Variants in CHCHD3 observed in about 807,000 individuals in gnomAD.
The protein encoded by CHCHD3 is MICOS complex subunit MIC19.
CHCHD3 carries 20 observed loss-of-function variants against 38.2 expected under a neutral mutation model. The ratio of observed to expected loss-of-function variants is 0.52; its 90% CI spans 0.37 to 0.76. The LOEUF (loss-of-function observed/expected upper bound fraction) is 0.76, where lower values mean the gene tolerates loss of function less well. CHCHD3 is among the 30% of genes least tolerant of loss of function. The pLI is 0.00. For missense variants in CHCHD3, 245 were observed against 279.2 expected (o/e 0.88, Z 0.87); for synonymous variants, 82 against 100.0 (o/e 0.82, Z 1.07).
chr7:133,045,606 G>A (rs1813960507), intron 2 of CHCHD3, among the ~76,000 whole-genome samples: 1 of 152,134 alleles, frequency 6.6e-6, no homozygotes, highest in Non-Finnish European at 1.5e-5. Flanking sequence ...TAAACTTATA[G>A]GTTCTAACCA....
At chr7:133,033,762 C>T (rs1353406278) in intron 2 of CHCHD3, among the ~76,000 whole-genome samples, 4 of 152,180 alleles carry the variant, frequency 2.6e-5, no homozygotes, top group South Asian at 2.1e-4. Context: ...ACCAAAACCA[C>T]ATTTTGCCCG....
chr7:133,079,235 A>G (rs1438328009), intron 1 of CHCHD3, among the ~76,000 whole-genome samples: 1 of 152,228 alleles, frequency 6.6e-6, no homozygotes, highest in African/African-American at 2.4e-5. Context: ...CTCTAATAAC[A>G]GCTATTATTC....
At chr7:132,913,186 G>A (rs1027301916) in intron 4 of CHCHD3, among the ~76,000 whole-genome samples, 9 of 152,154 alleles carry the variant, frequency 5.9e-5, no homozygotes, top group Non-Finnish European at 1.2e-4. Flanking sequence ...CTGCTTCAAC[G>A]AAGCCAAAAA....
intron 5 of CHCHD3, among the ~76,000 whole-genome samples, chr7:132,876,415 G>C (rs1469784971): frequency 1.3e-5 from 2 of 152,118 alleles, no homozygotes; most frequent in African/African-American, 4.8e-5. Context: ...TTTAAAAGTG[G>C]AATTAATTTT....
intron 5 of CHCHD3, among the ~76,000 whole-genome samples, chr7:132,871,482 G>T (rs1263403786): frequency 6.6e-6 from 1 of 152,178 alleles, no homozygotes; most frequent in Admixed American, 6.5e-5. Context: ...GCTCGTTGTA[G>T]TTCTAGTTAC....
chr7:133,016,796 A>C (rs1813044179), intron 3 of CHCHD3, among the ~76,000 whole-genome samples: 1 of 152,188 alleles, frequency 6.6e-6, no homozygotes, highest in South Asian at 2.1e-4. Flanking sequence ...AGTGTTCCTA[A>C]CACAGCATTA....
At chr7:132,981,009 A>G (rs563119555) in intron 3 of CHCHD3, among the ~76,000 whole-genome samples, 76 of 152,082 alleles carry the variant, frequency 5.0e-4, no homozygotes, top group Non-Finnish European at 9.7e-4. Flanking sequence ...TTTTTGAAAC[A>G]TGGTCTTGCT....
intron 3 of CHCHD3, among the ~76,000 whole-genome samples, chr7:133,000,789 T>A (rs1453570508): frequency 6.6e-6 from 1 of 152,162 alleles, no homozygotes; most frequent in Non-Finnish European, 1.5e-5. Flanking sequence ...TAAAGAGATG[T>A]TATATTTGTC....
intron 5 of CHCHD3, among the ~76,000 whole-genome samples, chr7:132,855,583 A>G (rs1808326095): frequency 6.6e-6 from 1 of 152,170 alleles, no homozygotes; most frequent in South Asian, 2.1e-4. Flanking sequence ...GACTTGGCAG[A>G]GAAATATGCA....
intron 2 of CHCHD3, among the ~76,000 whole-genome samples, chr7:133,068,145 T>G (rs1157554382): frequency 6.6e-6 from 1 of 152,110 alleles, no homozygotes; most frequent in African/African-American, 2.4e-5. Flanking sequence ...ACGTGGCTTA[T>G]TTATTTACAT....
At position 132,838,339 on chromosome 7, in the gene CHCHD3, A is replaced by G; in HGVS notation, c.524+60T>C. 16 of 1,175,704 alleles carry G rather than the reference A, an allele frequency of 1.4e-5. No individual in the cohort carries two copies. In the South Asian group the frequency reaches 1.8e-4, roughly 13 times the overall value. The allele number at this position is 1,175,704 out of a possible 1,614,324, so 72.8% of individuals were successfully genotyped here. A position where few individuals can be genotyped will look rare whatever the true frequency, so the allele number is the denominator to read the frequency against. ...AACTATGATCTGTGCAAAAAGCACTAAAACTGTGCTTTCATCTTGTTAAGA... is the reference window on the plus strand; with the variant it reads ...AACTATGATCTGTGCAAAAAGCACTGAAACTGTGCTTTCATCTTGTTAAGA... On this transcript the variant is annotated intron_variant, in intron 6 of 7. Transcript: ENST00000262570.
At chr7:133,055,301 A>C (rs917845706) in intron 2 of CHCHD3, among the ~76,000 whole-genome samples, 1 of 146,452 alleles carries the variant, frequency 6.8e-6, no homozygotes, top group African/African-American at 2.5e-5. Flanking sequence ...TTTAATTAGA[A>C]TAATTAGTTG....
intron 4 of CHCHD3, among the ~76,000 whole-genome samples, chr7:132,898,209 G>A (rs901719039): frequency 1.3e-5 from 2 of 152,184 alleles, no homozygotes; most frequent in African/African-American, 4.8e-5. Context: ...AGCTTCCACA[G>A]TGTGGAAAGG....
At position 132,941,784 on chromosome 7, in the gene CHCHD3, TCAA is replaced by T. The variant is rs376415121; in HGVS notation, c.369+33382_369+33384del. On this transcript the variant is annotated intron_variant, in intron 4 of 7. Coordinates refer to ENST00000262570, the MANE Select transcript of CHCHD3 (RefSeq NM_017812.4). ...GAAAAGCACAGGACGGGATGGGAGA[TCAA>T]CAACAACAGCTCTTGGGTTCCCAAG... Among the ~76,000 whole-genome samples the T allele has an allele frequency of 8.9e-4, 136 of 152,218 alleles. 1 individual carries two copies. The highest frequency in any genetic ancestry group is 9.2e-4 in the Admixed American group (14 of 15,292).
In CHCHD3 at chr7:132,932,295, C is replaced by G. The variant is rs185839701; in HGVS notation, c.369+42874G>C. Among the ~76,000 whole-genome samples, 408 of 152,160 alleles carry G rather than the reference C, an allele frequency of 2.7e-3. 4 individuals carry two copies. The highest frequency in any genetic ancestry group is 9.4e-3 in the African/African-American group (389 of 41,520). On this transcript the variant is annotated intron_variant, in intron 4 of 7. Coordinates refer to ENST00000262570, the MANE Select transcript of CHCHD3 (RefSeq NM_017812.4). ...CCTGGGTGAGAGAGAGCAATGAACA[C>G]TAGAACTCAGGGTCAGGAGAGAGAG...
intron 7 of CHCHD3, among the ~76,000 whole-genome samples, chr7:132,791,928 G>A (rs1368628412): frequency 1.3e-5 from 2 of 152,186 alleles, no homozygotes; most frequent in Non-Finnish European, 2.9e-5. Context: ...CAGGAAGCAT[G>A]TAGGTCTGAG....
chr7:133,044,967 G>A (rs1002785706), intron 2 of CHCHD3, among the ~76,000 whole-genome samples: 5 of 152,236 alleles, frequency 3.3e-5, no homozygotes, highest in Admixed American at 6.5e-5. Flanking sequence ...TGCATGATGC[G>A]GGGTTAGGGG....
chr7:132,831,073 C>T (rs1585553655), intron 6 of CHCHD3, among the ~76,000 whole-genome samples: 1 of 152,166 alleles, frequency 6.6e-6, no homozygotes, highest in East Asian at 1.9e-4. Flanking sequence ...AAATCCTTGC[C>T]TGAAGCCCTG....
intron 4 of CHCHD3, among the ~76,000 whole-genome samples, chr7:132,970,857 T>C (rs1006160634): frequency 6.6e-6 from 1 of 152,006 alleles, no homozygotes. Flanking sequence ...ACATCTATAA[T>C]CCCAACACCC....
Sources: gnomAD v4.1 joint callset for allele counts (sites outside exome capture counted in the v4.1 genomes callset) on GRCh38, gnomAD v4.1.1 for gene constraint, MANE v1.5 for transcripts, NCBI Gene and HGNC (gene_info 2026-07-23, HGNC 2026-07-21) for gene names.